Variants in RABL3 observed in about 807,000 individuals in gnomAD.
The protein encoded by RABL3 is rab-like protein 3.
Under a neutral mutation model 31.8 loss-of-function variants are expected in RABL3, and 31 were observed. The observed-to-expected ratio is 0.97, with a 90% CI of 0.73 to 1.31. The LOEUF is 1.31. Among genes scored for constraint, RABL3 ranks in the 40% most tolerant of loss-of-function variants. The probability of loss-of-function intolerance (pLI) is 0.00; values close to 1 mark genes in which losing one functional copy is unlikely to be tolerated. For missense variants in RABL3, 263 were observed against 279.6 expected (o/e 0.94, Z 0.42); for synonymous variants, 97 against 99.9 (o/e 0.97, Z 0.18).
intron 2 of RABL3, among the ~76,000 whole-genome samples, chr3:120,717,007 C>T (rs989003284): frequency 6.6e-5 from 10 of 152,198 alleles, no homozygotes; most frequent in African/African-American, 2.2e-4. Flanking sequence ...AATCCCAGCA[C>T]GTTGGGAGGC....
intron 3 of RABL3, among the ~76,000 whole-genome samples, chr3:120,707,580 T>C (rs1037356042): frequency 6.6e-6 from 1 of 152,074 alleles, no homozygotes; most frequent in African/African-American, 2.4e-5. Flanking sequence ...TGCACTCAGG[T>C]AATCTGACAG....
intron 4 of RABL3, among the ~76,000 whole-genome samples, chr3:120,702,483 T>C (rs1708503141): frequency 6.6e-6 from 1 of 152,082 alleles, no homozygotes; most frequent in African/African-American, 2.4e-5. Context: ...CCTCCCACTG[T>C]GTGGCCTGGT....
chr3:120,721,357 G>T (rs181345843), intron 2 of RABL3, among the ~76,000 whole-genome samples: 107 of 152,278 alleles, frequency 7.0e-4, no homozygotes, highest in African/African-American at 2.5e-3. Flanking sequence ...AATTGTAAGT[G>T]GGCTAAATGC....
intron 1 of RABL3, among the ~76,000 whole-genome samples, 159 bp from the exon 2 acceptor site, chr3:120,730,946 T>C (rs1708875524): frequency 6.6e-6 from 1 of 152,212 alleles, no homozygotes; most frequent in South Asian, 2.1e-4. Flanking sequence ...ATGAAGATGG[T>C]AGAGGGCAGC....
chr3:120,735,174 T>C (rs1429332560), intron 1 of RABL3, among the ~76,000 whole-genome samples: 1 of 152,140 alleles, frequency 6.6e-6, no homozygotes, highest in East Asian at 1.9e-4. Flanking sequence ...CATCTGGTCC[T>C]GGACTTTTTT....
intron 2 of RABL3, among the ~76,000 whole-genome samples, chr3:120,711,266 A>T (rs575675797): frequency 2.8e-4 from 43 of 152,138 alleles, no homozygotes; most frequent in Non-Finnish European, 5.9e-4. Flanking sequence ...TTATTCTTCC[A>T]GTTACTTGGG....
At chr3:120,738,948 T>C (rs1257237615) in intron 1 of RABL3, among the ~76,000 whole-genome samples, 1 of 152,220 alleles carries the variant, frequency 6.6e-6, no homozygotes, top group East Asian at 1.9e-4. Flanking sequence ...ACATTTAAAG[T>C]TCTTGATATG....
chr3:120,733,929 T>C (rs1270628740), intron 1 of RABL3, among the ~76,000 whole-genome samples: 2 of 152,312 alleles, frequency 1.3e-5, no homozygotes, highest in African/African-American at 4.8e-5. Context: ...TTGGTACCAG[T>C]ACCATGCTGT....
intron 1 of RABL3, among the ~76,000 whole-genome samples, chr3:120,736,303 CTTCT>C (rs752331511): frequency 1.3e-4 from 20 of 152,284 alleles, no homozygotes; most frequent in African/African-American, 2.4e-4. Flanking sequence ...ATGTAATGGC[CTTCT>C]TTGTCTCTTT....
intron 1 of RABL3, among the ~76,000 whole-genome samples, chr3:120,736,755 TTGTC>T (rs1488178891): frequency 6.6e-6 from 1 of 152,222 alleles, no homozygotes; most frequent in Non-Finnish European, 1.5e-5. Flanking sequence ...CAGCATTTGC[TTGTC>T]TGTCAAGTAT....
Position 120,685,661 on chromosome 3 carries a change from A to T in RABL3, c.*4162T>A, listed in dbSNP as rs899286509. Among the ~76,000 whole-genome samples the T allele has an allele frequency of 8.5e-5, 13 of 152,354 alleles. No individual in the cohort carries two copies. The highest frequency in any genetic ancestry group is 3.1e-4 in the African/African-American group (13 of 41,578). On this transcript the variant is annotated 3_prime_UTR_variant, in exon 8 of 8. Transcript: ENST00000273375. ...TGGGGAGGAGTGGATCAGTTCATTA[A>T]GGTGAGATCAGGTTGAGGCAGTCAA...
At chr3:120,724,475 A>C (rs1375502737) in intron 2 of RABL3, among the ~76,000 whole-genome samples, 1 of 152,210 alleles carries the variant, frequency 6.6e-6, no homozygotes, top group Admixed American at 6.5e-5. Flanking sequence ...GGAACCAAAA[A>C]AGAGCCCACA....
At chr3:120,734,647 T>C (rs912397822) in intron 1 of RABL3, among the ~76,000 whole-genome samples, 1 of 152,212 alleles carries the variant, frequency 6.6e-6, no homozygotes, top group South Asian at 2.1e-4. Flanking sequence ...TGCTTCCAGT[T>C]TTTGCCCATT....
intron 5 of RABL3, among the ~76,000 whole-genome samples, chr3:120,697,426 G>GT (rs1449327561): frequency 9.9e-5 from 15 of 152,182 alleles, no homozygotes; most frequent in African/African-American, 3.4e-4. Context: ...TTTTCAACCC[G>GT]TAAGTGCTCA....
At chr3:120,705,022 C>G (rs1690308013) in intron 4 of RABL3, among the ~76,000 whole-genome samples, 1 of 151,880 alleles carries the variant, frequency 6.6e-6, no homozygotes, top group Non-Finnish European at 1.5e-5. Flanking sequence ...AAGGCTCAGT[C>G]TCAAAACAAA....
At chr3:120,732,834 T>C (rs1310897014) in intron 1 of RABL3, among the ~76,000 whole-genome samples, 1 of 152,014 alleles carries the variant, frequency 6.6e-6, no homozygotes, top group Non-Finnish European at 1.5e-5. Flanking sequence ...GTCCTTGCGA[T>C]AGTTTGCTCA....
intron 1 of RABL3, among the ~76,000 whole-genome samples, chr3:120,731,899 T>A (rs1462638141): frequency 7.2e-5 from 11 of 151,870 alleles, no homozygotes; most frequent in African/African-American, 2.4e-4. Flanking sequence ...AAAAAATAAA[T>A]TTTAAAGAAA....
chr3:120,713,263 C>T (rs1708631934), intron 2 of RABL3, among the ~76,000 whole-genome samples: 1 of 152,206 alleles, frequency 6.6e-6, no homozygotes, highest in African/African-American at 2.4e-5. Context: ...TAGTCAAATC[C>T]TTTCCTGTTT....
At chr3:120,725,119 A>T (rs2107591954) in intron 2 of RABL3, among the ~76,000 whole-genome samples, 1 of 134,158 alleles carries the variant, frequency 7.5e-6, no homozygotes, top group South Asian at 2.4e-4. Flanking sequence ...AAACAACCCC[A>T]TCAACAAGTG....
Sources: gnomAD v4.1 joint callset for allele counts (sites outside exome capture counted in the v4.1 genomes callset) on GRCh38, gnomAD v4.1.1 for gene constraint, MANE v1.5 for transcripts, NCBI Gene and HGNC (gene_info 2026-07-23, HGNC 2026-07-21) for gene names.